The following SGCZ variants were observed in gnomAD, a reference collection of about 807,000 sequenced individuals.
The protein encoded by SGCZ is zeta-sarcoglycan.
A neutral mutation model predicts 41.3 loss-of-function variants in SGCZ; 40 were observed. The observed-to-expected ratio is 0.97, with a 90% CI of 0.75 to 1.26. SGCZ has a LOEUF of 1.26. Ranked by LOEUF, SGCZ falls within the 50% of genes most tolerant of loss-of-function variation. The pLI is 0.00. For synonymous variants in SGCZ, 206 were observed against 137.5 expected, an observed-to-expected ratio of 1.50 and a Z score of -3.49; for missense variants, 552 against 369.8, an observed-to-expected ratio of 1.49 and a Z score of -4.04.
intron 1 of SGCZ, among the ~76,000 whole-genome samples, chr8:15,017,414 C>A (rs1487201619): frequency 6.6e-6 from 1 of 152,124 alleles, no homozygotes; most frequent in South Asian, 2.1e-4. Flanking sequence ...TCAGCATGCC[C>A]CTTAACTTTT....
chr8:14,705,248 T>G (rs959357562), intron 1 of SGCZ, among the ~76,000 whole-genome samples: 1 of 151,912 alleles, frequency 6.6e-6, no homozygotes, highest in Non-Finnish European at 1.5e-5. Context: ...ATGGACTACA[T>G]GGTGTTTAAG....
intron 1 of SGCZ, among the ~76,000 whole-genome samples, chr8:15,166,869 T>C (rs1447417856): frequency 1.3e-5 from 2 of 152,164 alleles, no homozygotes; most frequent in African/African-American, 4.8e-5. Flanking sequence ...GATTGTAACA[T>C]TGGAATAAAG....
chr8:14,494,666 AT>A (rs1183500148), intron 2 of SGCZ, among the ~76,000 whole-genome samples: 1 of 152,152 alleles, frequency 6.6e-6, no homozygotes, highest in Admixed American at 6.5e-5. Flanking sequence ...TTTCAGTCAA[AT>A]AGTAGCATTT....
intron 2 of SGCZ, among the ~76,000 whole-genome samples, chr8:14,551,317 G>C (rs1222235427): frequency 7.1e-6 from 1 of 141,750 alleles, no homozygotes; most frequent in Non-Finnish European, 1.5e-5. Context: ...TGAGAGACCT[G>C]CTAGACTAGT....
chr8:15,203,537 A>G (rs1026247361), intron 1 of SGCZ, among the ~76,000 whole-genome samples: 2 of 152,216 alleles, frequency 1.3e-5, no homozygotes, highest in African/African-American at 4.8e-5. Context: ...TCATGCAAAT[A>G]GCACAGGCTA....
chr8:14,621,966 G>A (rs532927484), intron 1 of SGCZ, among the ~76,000 whole-genome samples: 100 of 152,042 alleles, frequency 6.6e-4, no homozygotes, highest in African/African-American at 1.9e-3. Flanking sequence ...CTGTGTCCCC[G>A]CCAAGTCTAT....
At chr8:14,843,217 A>G (rs1458652122) in intron 1 of SGCZ, among the ~76,000 whole-genome samples, 7 of 152,224 alleles carry the variant, frequency 4.6e-5, no homozygotes, top group Non-Finnish European at 1.0e-4. Context: ...GTTTTAAAAA[A>G]AGAAAAAAAG....
rs577139134 is a variant in SGCZ at position 15,043,076 on chromosome 8, C to G, written c.39+194509G>C. ...CCACTGTCATGGTAACACTCTCCAT[C>G]CAGAGCAAGGGCACAAAATGGTTTA... On this transcript the variant is annotated intron_variant, in intron 1 of 7. Coordinates refer to ENST00000382080, the MANE Select transcript of SGCZ (RefSeq NM_139167.4). Among the ~76,000 whole-genome samples the G allele has an allele frequency of 4.6e-4, 70 of 152,304 alleles. 1 individual carries two copies. The highest frequency in any genetic ancestry group is 1.5e-5 in the Non-Finnish European group (1 of 68,038).
At chr8:14,434,834 T>G (rs1487075867) in intron 2 of SGCZ, among the ~76,000 whole-genome samples, 1 of 152,078 alleles carries the variant, frequency 6.6e-6, no homozygotes, top group Non-Finnish European at 1.5e-5. Context: ...GAGCCTGAGG[T>G]AGGACAATCG....
intron 1 of SGCZ, among the ~76,000 whole-genome samples, chr8:14,791,288 C>T (rs1399017265): frequency 1.3e-5 from 2 of 151,868 alleles, no homozygotes; most frequent in African/African-American, 2.4e-5. Flanking sequence ...AGTGTGAGAT[C>T]GAATTTATTC....
intron 1 of SGCZ, among the ~76,000 whole-genome samples, chr8:14,974,701 C>T (rs1241141002): frequency 6.6e-6 from 1 of 152,130 alleles, no homozygotes; most frequent in African/African-American, 2.4e-5. Context: ...ACTCTTCGTG[C>T]ATGATTTCAT....
At chr8:14,843,205 T>G (rs1163702025) in intron 1 of SGCZ, among the ~76,000 whole-genome samples, 1 of 152,090 alleles carries the variant, frequency 6.6e-6, no homozygotes, top group Admixed American at 6.6e-5. Flanking sequence ...AAGTGAGAGT[T>G]GGTTTTAAAA....
intron 2 of SGCZ, among the ~76,000 whole-genome samples, chr8:14,536,117 GC>G (rs1368115494): frequency 2.6e-5 from 4 of 151,778 alleles, no homozygotes; most frequent in Non-Finnish European, 5.9e-5. Flanking sequence ...TAGAAATTCT[GC>G]ATTTTGTTTA....
intron 2 of SGCZ, among the ~76,000 whole-genome samples, chr8:14,379,526 T>A (rs1028837826): frequency 2.0e-5 from 3 of 152,096 alleles, no homozygotes; most frequent in Non-Finnish European, 4.4e-5. Flanking sequence ...CAACTCAATA[T>A]CATGAAGACA....
chr8:15,161,990 C>T (rs1216411531), intron 1 of SGCZ, among the ~76,000 whole-genome samples: 3 of 152,152 alleles, frequency 2.0e-5, no homozygotes, highest in African/African-American at 7.2e-5. Context: ...AAGATTGCAC[C>T]ACGGCACTCC....
At chr8:14,239,901 C>CAAAAAAA (rs71209029) in intron 3 of SGCZ, among the ~76,000 whole-genome samples, 15 of 41,358 alleles carry the variant, frequency 3.6e-4, no homozygotes, top group African/African-American at 2.8e-3. Flanking sequence ...GACTCCGTCT[C>CAAAAAAA]AAAAAAAAAA....
intron 1 of SGCZ, among the ~76,000 whole-genome samples, chr8:15,192,132 C>T (rs1439007784): frequency 1.3e-5 from 2 of 152,072 alleles, no homozygotes; most frequent in Non-Finnish European, 2.9e-5. Flanking sequence ...AATATTCTTA[C>T]ACCAAAATAC....
At chr8:15,195,631 C>T (rs950559176) in intron 1 of SGCZ, among the ~76,000 whole-genome samples, 2 of 152,130 alleles carry the variant, frequency 1.3e-5, no homozygotes, top group Non-Finnish European at 2.9e-5. Flanking sequence ...TAGTGTGCCA[C>T]CCCAGTGAAA....
intron 1 of SGCZ, among the ~76,000 whole-genome samples, chr8:14,775,375 A>G (rs1011965947): frequency 6.6e-6 from 1 of 151,914 alleles, no homozygotes; most frequent in Non-Finnish European, 1.5e-5. Context: ...ATTTCCTACT[A>G]CCTATCACAA....
Sources: allele counts gnomAD v4.1 joint callset (sites outside exome capture counted in the v4.1 genomes callset), GRCh38; gene constraint gnomAD v4.1.1; transcripts MANE v1.5; gene names NCBI Gene and HGNC (gene_info 2026-07-23, HGNC 2026-07-21).